MFNG: variants seen among roughly 807,000 people sequenced by gnomAD.
MFNG encodes the protein MFNG O-fucosylpeptide 3-beta-N-acetylglucosaminyltransferase.
MFNG carries 24 observed loss-of-function variants against 34.2 expected under a neutral mutation model. The ratio of observed to expected loss-of-function variants is 0.70; its 90% CI spans 0.51 to 0.99. The LOEUF (loss-of-function observed/expected upper bound fraction) is 0.99, where lower values mean the gene tolerates loss of function less well. MFNG is among the 50% of genes least tolerant of loss of function. MFNG has a pLI of 0.00. For synonymous variants in MFNG, 158 were observed against 179.2 expected, an observed-to-expected ratio of 0.88 and a Z score of 0.94; for missense variants, 383 against 424.0, an observed-to-expected ratio of 0.90 and a Z score of 0.85.
rs1378189449 is a variant in MFNG, at chr22:37,485,344, G to A, written c.255+579C>T. On this transcript the variant is annotated intron_variant, in intron 1 of 7. Transcript: ENST00000356998. This position sits in a 1 kb window ranked among gnomAD's most constrained non-coding sequence, Gnocchi z 5.3. ...ACAGGAGGCCAGACATGGCGGCCTC[G>A]GCACACCCGGGGCAGCAGAGACACA... 2.0e-5 allele frequency among the ~76,000 whole-genome samples: 3 copies of A among 152,310 alleles called. No individual in the cohort carries two copies. The highest frequency in any genetic ancestry group is 2.0e-4 in the Admixed American group (3 of 15,300).
intron 6 of MFNG, among the ~76,000 whole-genome samples, chr22:37,473,194 T>G (rs1921887484): frequency 6.6e-6 from 1 of 151,972 alleles, no homozygotes; most frequent in Non-Finnish European, 1.5e-5. Flanking sequence ...TCCCAGCACT[T>G]TGGAAGGCTG....
chr22:37,474,478 T>C (rs1921947365), intron 6 of MFNG, 34 bp downstream of exon 6: 3 of 1,610,292 alleles, frequency 1.9e-6, no homozygotes, highest in East Asian at 4.5e-5. Context: ...TGGTTCCCCT[T>C]CCCATTTGCC....
rs199731917 is a variant in MFNG at position 37,486,139 on chromosome 22, G to A, written c.39C>T (p.Leu13=). The change falls in exon 1 of 8, where the codon CTC becomes CTT. Residue 13 remains leucine (L), a synonymous_variant. Coordinates refer to ENST00000356998, the MANE Select transcript of MFNG (RefSeq NM_002405.4). ...GGAGCCCCATGCACAGGAGGGTGAGGAGGGCTCCAGCCAGGCCCCGCGGGA... is the reference window on the plus strand; with the variant it reads ...GGAGCCCCATGCACAGGAGGGTGAGAAGGGCTCCAGCCAGGCCCCGCGGGA... ...CRLPRGLAGA[L]LTLLCMGLLC... 1.6e-5 allele frequency: 25 copies of A among 1,598,998 alleles called. No homozygotes were observed. Among genetic ancestry groups the A allele is most frequent in the East Asian group, 1.4e-4 (6 of 44,394 alleles).
chr22:37,479,569 A>T lies in MFNG; in HGVS notation c.408-71T>A, dbSNP rs143509204. 2.5e-6 allele frequency: 4 copies of T among 1,587,290 alleles called. No individual in the cohort carries two copies. The East Asian group carries it at 6.8e-5, about 27-fold the overall frequency. On this transcript the variant is annotated intron_variant, in intron 3 of 7. Coordinates refer to ENST00000356998, the MANE Select transcript of MFNG (RefSeq NM_002405.4). The stretch of plus-strand genomic sequence containing the variant: ...AGCCAGGGTCCCCAAGCACCCCCAC[A>T]GTCGGTCAACAGTGACGGAATGGGG...
chr22:37,474,397 GA>G, intron 6 of MFNG, 114 bp downstream of exon 6: 1 of 1,252,140 alleles, frequency 8.0e-7, no homozygotes, highest in Non-Finnish European at 1.1e-6. Flanking sequence ...GAATACCCAA[GA>G]CCCATAATCT....
chr22:37,486,151 C>T lies in MFNG; in HGVS notation c.27G>A (p.Leu9=), dbSNP rs1232678226. MQCRLPRG[L]AGALLTLLCM... Reference sequence around the variant, plus strand: ...ACAGGAGGGTGAGGAGGGCTCCAGCCAGGCCCCGCGGGAGCCGGCACTGCA... The same window carrying T: ...ACAGGAGGGTGAGGAGGGCTCCAGCTAGGCCCCGCGGGAGCCGGCACTGCA... The change falls in exon 1 of 8, where the codon CTG becomes CTA. Residue 9 remains leucine, a synonymous_variant. Coordinates refer to ENST00000356998, the MANE Select transcript of MFNG (RefSeq NM_002405.4). 1.9e-6 allele frequency: 3 copies of T among 1,588,654 alleles called. No homozygotes were observed. The highest frequency in any genetic ancestry group is 2.7e-5 in the African/African-American group (2 of 74,446).
At chr22:37,470,817 G>T (rs192360826) in intron 7 of MFNG, among the ~76,000 whole-genome samples, 60 of 152,236 alleles carry the variant, frequency 3.9e-4, no homozygotes, top group African/African-American at 1.4e-3. Context: ...AACCAAATTT[G>T]ACACCATTCC....
intron 7 of MFNG, among the ~76,000 whole-genome samples, chr22:37,471,963 C>G (rs1054995380): frequency 6.6e-6 from 1 of 152,074 alleles, no homozygotes; most frequent in African/African-American, 2.4e-5. Context: ...CCCATCTCCC[C>G]GTGGCCAGTT....
rs148196730 is a variant in MFNG, at chr22:37,483,186, G to A, written c.256-2417C>T. ...TCCTCTCACACCTCTTCCCGAGCCT[G>A]TCATCAATTCTGCTCACCAGCCTCC... is the stretch of plus-strand genomic sequence containing the variant. On this transcript the variant is annotated intron_variant, in intron 1 of 7. Transcript: ENST00000356998. The surrounding 1 kb of genome is among the most constrained non-coding windows in gnomAD (Gnocchi z 4.5). Among the ~76,000 whole-genome samples, 858 of 152,192 alleles carry A rather than the reference G, an allele frequency of 5.6e-3. 11 individuals are homozygous for A. The highest frequency in any genetic ancestry group is 0.02 in the African/African-American group (824 of 41,516).
intron 1 of MFNG, chr22:37,481,061 C>T (rs1158979859): frequency 2.1e-6 from 1 of 469,722 alleles, no homozygotes; most frequent in Admixed American, 3.7e-5. Context: ...GGCAGCATCT[C>T]ACCCTCTTCT....
intron 4 of MFNG, 145 bp downstream of exon 4, chr22:37,479,200 G>T: frequency 1.3e-6 from 1 of 794,896 alleles, no homozygotes; most frequent in Non-Finnish European, 1.8e-6. Context: ...GGGTTGAAGA[G>T]GGGAAGCTAC....
chr22:37,471,976 G>C lies in MFNG; in HGVS notation c.899+467C>G, dbSNP rs901334109. 3.3e-5 allele frequency among the ~76,000 whole-genome samples: 5 copies of C among 151,908 alleles called. No individual in the cohort carries two copies. The South Asian group carries it at 1.0e-3, about 32-fold the overall frequency. ...GGCCCATCTCCCCGTGGCCAGTTCT[G>C]GGCAGAACTGGAAGGTGTTATTCCA... is the stretch of plus-strand genomic sequence containing the variant. On this transcript the variant is annotated intron_variant, in intron 7 of 7. Transcript: ENST00000356998.
intron 6 of MFNG, chr22:37,472,759 G>C (rs75148849): frequency 3.3e-4 from 146 of 441,888 alleles, no homozygotes; most frequent in African/African-American, 2.7e-3. Flanking sequence ...GAGCTCCCCT[G>C]AGAAGCTGGA....
intron 4 of MFNG, among the ~76,000 whole-genome samples, chr22:37,478,419 T>C (rs953109466): frequency 6.6e-6 from 1 of 152,230 alleles, no homozygotes; most frequent in East Asian, 1.9e-4. Flanking sequence ...TTCCTCATTA[T>C]TTATGAGAAA....
At position 37,483,482 on chromosome 22, in the gene MFNG, G is replaced by C. The variant is rs1326582858; in HGVS notation, c.255+2441C>G. Among the ~76,000 whole-genome samples the C allele has an allele frequency of 6.6e-6, 1 of 151,268 alleles. No individual in the cohort carries two copies. Among genetic ancestry groups the C allele is most frequent in the African/African-American group, 2.4e-5 (1 of 41,044 alleles). On this transcript the variant is annotated intron_variant, in intron 1 of 7. Coordinates refer to ENST00000356998, the MANE Select transcript of MFNG (RefSeq NM_002405.4). The surrounding 1 kb of genome is among the most constrained non-coding windows in gnomAD (Gnocchi z 4.5). ...TGGAGCATGGGCCAAATGGGCTGAG[G>C]ACTGTTTCCCGGTGAAGATCTAGTA...
chr22:37,469,912 C>T lies in MFNG; in HGVS notation c.*51G>A. 1 of 1,459,896 alleles carries T rather than the reference C, an allele frequency of 6.8e-7. No homozygotes were observed. 90.4% of individuals were successfully genotyped at this position (1,459,896 alleles called of 1,614,324 possible). ...GGGACCCACAGTGCCACCTTGGGAG[C>T]CAAGGCACACCCAGAAGTCTCTGCC... On this transcript the variant is annotated 3_prime_UTR_variant, in exon 8 of 8. Transcript: ENST00000356998.
Position 37,483,533 on chromosome 22 carries a change from C to T in MFNG, c.255+2390G>A, listed in dbSNP as rs1922394576. 6.6e-6 allele frequency among the ~76,000 whole-genome samples: 1 copy of T among 151,410 alleles called. No individual in the cohort carries two copies. The highest frequency in any genetic ancestry group is 1.5e-5 in the Non-Finnish European group (1 of 67,968). ...AGCCTGAATAAAGCAGGAGAATAGG[C>T]ACTTTGGGAGGCCAAGGCAGGTGGA... On this transcript the variant is annotated intron_variant, in intron 1 of 7. Coordinates refer to ENST00000356998, the MANE Select transcript of MFNG (RefSeq NM_002405.4). This position sits in a 1 kb window ranked among gnomAD's most constrained non-coding sequence, Gnocchi z 4.5.
At chr22:37,478,673 ATTTTT>A (rs34736336) in intron 4 of MFNG, among the ~76,000 whole-genome samples, 2 of 141,928 alleles carry the variant, frequency 1.4e-5, no homozygotes, top group Non-Finnish European at 1.5e-5. Flanking sequence ...GTATTCAGCA[ATTTTT>A]TTTTTTTTTT....
chr22:37,476,528 C>T (rs1470674839), intron 5 of MFNG, among the ~76,000 whole-genome samples: 3 of 152,114 alleles, frequency 2.0e-5, no homozygotes, highest in Non-Finnish European at 2.9e-5. Flanking sequence ...ACCTCCCCTA[C>T]GGCATTGACC....
Sources: allele counts gnomAD v4.1 joint callset (sites outside exome capture counted in the v4.1 genomes callset), GRCh38; gene constraint gnomAD v4.1.1; non-coding constraint Gnocchi (gnomAD v3.1); transcripts MANE v1.5; gene names NCBI Gene and HGNC (gene_info 2026-07-23, HGNC 2026-07-21).